UBE2J2: variants seen among roughly 807,000 people sequenced by gnomAD.
UBE2J2 encodes the protein ubiquitin-conjugating enzyme E2 J2.
Under a neutral mutation model 28.6 loss-of-function variants are expected in UBE2J2, and 5 were observed. That is an observed-to-expected ratio of 0.17 (90% CI 0.09 to 0.37). The LOEUF (loss-of-function observed/expected upper bound fraction) is 0.37. UBE2J2 is among the 10% of genes least tolerant of loss of function. The pLI is 1.00. For synonymous variants in UBE2J2, 138 were observed against 139.7 expected (o/e 0.99, Z 0.09); for missense variants, 226 against 338.9 (o/e 0.67, Z 2.62).
chr1:1,271,766 G>C (rs1640154971), intron 1 of UBE2J2: 2 of 152,214 alleles, frequency 1.3e-5, no homozygotes, highest in South Asian at 2.1e-4. Context: ...CCTGAGATCG[G>C]GGGTTCGAGA....
intron 6 of UBE2J2, 57 bp downstream of exon 6, chr1:1,255,988 G>T: frequency 1.6e-6 from 2 of 1,235,434 alleles, no homozygotes; most frequent in South Asian, 1.2e-5. Context: ...TTGGAAAGAG[G>T]TGAAACTCAA....
At chr1:1,271,866 C>T (rs1467993604) in intron 1 of UBE2J2, among the ~76,000 whole-genome samples, 1 of 149,790 alleles carries the variant, frequency 6.7e-6, no homozygotes, top group Admixed American at 6.8e-5. Context: ...CCCAGCTACT[C>T]GGGTGACTGA....
chr1:1,258,301 A>C (rs1639329948), intron 3 of UBE2J2, among the ~76,000 whole-genome samples: 1 of 152,050 alleles, frequency 6.6e-6, no homozygotes, highest in East Asian at 1.9e-4. Flanking sequence ...TCGGCCTCCC[A>C]AGGTGCTGGG....
intron 1 of UBE2J2, among the ~76,000 whole-genome samples, chr1:1,272,118 C>T (rs926384413): frequency 6.6e-6 from 1 of 151,452 alleles, no homozygotes; most frequent in African/African-American, 2.4e-5. Context: ...CATGTCACTG[C>T]ACTCTAGCTG....
At chr1:1,271,245 GC>G (rs1238774794) in intron 1 of UBE2J2, among the ~76,000 whole-genome samples, 2 of 152,342 alleles carry the variant, frequency 1.3e-5, no homozygotes, top group African/African-American at 2.4e-5. Context: ...AAGCCAATGG[GC>G]CAGGGATCTC....
chr1:1,266,633 A>G (rs1015938515), intron 2 of UBE2J2, among the ~76,000 whole-genome samples: 1 of 151,874 alleles, frequency 6.6e-6, no homozygotes, highest in Admixed American at 6.6e-5. Context: ...CATCCTGGCT[A>G]ACACGGTGAA....
chr1:1,256,980 T>C lies in UBE2J2; in HGVS notation c.414+12A>G. 2.0e-6 allele frequency: 3 copies of C among 1,510,576 alleles called. No individual in the cohort carries two copies. Among genetic ancestry groups the C allele is most frequent in the East Asian group, 2.5e-5 (1 of 40,452 alleles). 93.6% of individuals were successfully genotyped at this position (1,510,576 alleles called of 1,614,324 possible). A position where few individuals can be genotyped will look rare whatever the true frequency, so the allele number is the denominator to read the frequency against. On this transcript the variant is annotated intron_variant, in intron 5 of 6. Coordinates refer to ENST00000349431, the MANE Select transcript of UBE2J2 (RefSeq NM_058167.3). ...GGCTGACGGCCCACCAGGGAGAGGC[T>C]CTAAAACTTACCGTGAAGTCCGACG... is the stretch of plus-strand genomic sequence containing the variant.
At chr1:1,266,638 G>A (rs577020808) in intron 2 of UBE2J2, among the ~76,000 whole-genome samples, 120 of 151,948 alleles carry the variant, frequency 7.9e-4, no homozygotes, top group South Asian at 1.7e-3. Flanking sequence ...TGGCTAACAC[G>A]GTGAAACCCC....
chr1:1,258,333 C>A (rs12070338), intron 3 of UBE2J2, among the ~76,000 whole-genome samples: 1 of 151,942 alleles, frequency 6.6e-6, no homozygotes, highest in African/African-American at 2.4e-5. Flanking sequence ...GAGCCACCTC[C>A]CCCAGCCATA....
Position 1,267,867 on chromosome 1 carries a change from G to A in UBE2J2, c.126C>T (p.Leu42=), listed in dbSNP as rs537122535. 7 of 1,613,850 alleles carry A rather than the reference G, an allele frequency of 4.3e-6. No individual in the cohort carries two copies. Among genetic ancestry groups the A allele is most frequent in the East Asian group, 2.2e-5 (1 of 44,884 alleles). ...ICAEPLPSNI[L]EWHYVVRGPE... is the part of the protein sequence containing the mutation. ...TCAGTGGCGCGGAGCCTTACCACTC[G>A]AGAATATTCGAAGGGAGGGGCTCGG... Residue 42 remains leucine, a synonymous_variant, in exon 2 of 7, where the codon CTC becomes CTT. Coordinates refer to ENST00000349431, the MANE Select transcript of UBE2J2 (RefSeq NM_058167.3).
intron 1 of UBE2J2, among the ~76,000 whole-genome samples, chr1:1,269,090 C>A (rs1046879777): frequency 6.7e-6 from 1 of 148,850 alleles, no homozygotes; most frequent in African/African-American, 2.6e-5. Flanking sequence ...GAGCATGGGG[C>A]GCGAGGCACC....
At chr1:1,273,059 A>T (rs375333568) in intron 1 of UBE2J2, 1 of 152,416 alleles carries the variant, frequency 6.6e-6, no homozygotes, top group East Asian at 1.9e-4. Flanking sequence ...ACTAAGTGGC[A>T]GGCACTGAAA....
chr1:1,259,371 T>C (rs1173434491), intron 3 of UBE2J2, among the ~76,000 whole-genome samples: 2 of 151,932 alleles, frequency 1.3e-5, no homozygotes, highest in Non-Finnish European at 2.9e-5. Flanking sequence ...TGCATGCGTG[T>C]GTATGCGTGT....
chr1:1,267,349 G>A (rs972580633), intron 2 of UBE2J2, among the ~76,000 whole-genome samples: 5 of 152,170 alleles, frequency 3.3e-5, no homozygotes, highest in African/African-American at 7.2e-5. Context: ...CCTGAGGGTC[G>A]GGGCACCTGG....
chr1:1,269,953 A>T (rs1187038921), intron 1 of UBE2J2, among the ~76,000 whole-genome samples: 2 of 151,998 alleles, frequency 1.3e-5, no homozygotes, highest in East Asian at 3.9e-4. Flanking sequence ...ATAATCCCCC[A>T]TGTTGAGGGA....
chr1:1,267,816 T>C (rs2101089353), intron 2 of UBE2J2, 46 bp downstream of exon 2: 2 of 1,600,910 alleles, frequency 1.2e-6, no homozygotes, highest in Non-Finnish European at 1.7e-6. Context: ...GAGGCCTGCG[T>C]GGCAGCGACA....
chr1:1,260,688 G>C lies in UBE2J2; in HGVS notation c.172+2658C>G, dbSNP rs1283395579. On this transcript the variant is annotated intron_variant, in intron 3 of 6. Transcript: ENST00000349431. The stretch of plus-strand genomic sequence containing the variant: ...CCCCAGGCCATCTGCTGAAAAGCCT[G>C]AGGCAAAGGCCTAGCTGGCTACTCT... Among the ~76,000 whole-genome samples, 3 of 152,360 alleles carry C rather than the reference G, an allele frequency of 2.0e-5. No individual in the cohort carries two copies. The East Asian group carries it at 5.8e-4, about 29-fold the overall frequency.
Position 1,267,856 on chromosome 1 carries a change from C to G in UBE2J2, c.131+6G>C. 6.2e-7 allele frequency: 1 copy of G among 1,613,704 alleles called. No homozygotes were observed. Among genetic ancestry groups the G allele is most frequent in the Non-Finnish European group, 8.5e-7 (1 of 1,179,768 alleles). Reference sequence around the variant, plus strand: ...GCGCAGGGCGATCAGTGGCGCGGAGCCTTACCACTCGAGAATATTCGAAGG... The same window carrying G: ...GCGCAGGGCGATCAGTGGCGCGGAGGCTTACCACTCGAGAATATTCGAAGG... On this transcript the variant is annotated splice_donor_region_variant and intron_variant, in intron 2 of 6. Transcript: ENST00000349431.
chr1:1,259,984 C>A (rs955244242), intron 3 of UBE2J2, among the ~76,000 whole-genome samples: 1 of 152,208 alleles, frequency 6.6e-6, no homozygotes, highest in Non-Finnish European at 1.5e-5. Flanking sequence ...TCACTAGGGG[C>A]TGCTCTCCCT....
Sources: allele counts gnomAD v4.1 joint callset (sites outside exome capture counted in the v4.1 genomes callset), GRCh38; gene constraint gnomAD v4.1.1; transcripts MANE v1.5; gene names NCBI Gene and HGNC (gene_info 2026-07-23, HGNC 2026-07-21).